RBMS3: variants seen among roughly 807,000 people sequenced by gnomAD.
The protein encoded by RBMS3 is RNA binding motif single stranded interacting protein 3, also known as RNA-binding motif, single-stranded-interacting protein 3.
In RBMS3, 27 loss-of-function variants were observed where a neutral mutation model predicts 66.8. That is an observed-to-expected ratio of 0.40 (90% CI 0.30 to 0.56). The LOEUF is 0.56. RBMS3 is among the 20% of genes least tolerant of loss of function. The pLI, the probability that RBMS3 is intolerant of heterozygous loss-of-function variation, is 0.40. For synonymous variants in RBMS3, 188 were observed against 183.0 expected, an observed-to-expected ratio of 1.03 and a Z score of -0.22; for missense variants, 513 against 549.5, an observed-to-expected ratio of 0.93 and a Z score of 0.66.
chr3:29,529,813 A>AT (rs1273828646), intron 3 of RBMS3, among the ~76,000 whole-genome samples: 3 of 152,246 alleles, frequency 2.0e-5, no homozygotes, highest in East Asian at 1.9e-4. Context: ...AAATTACGGG[A>AT]TTTTTTAAGT....
intron 4 of RBMS3, among the ~76,000 whole-genome samples, chr3:29,647,982 G>T (rs904523802): frequency 4.6e-5 from 7 of 152,048 alleles, no homozygotes; most frequent in Non-Finnish European, 1.0e-4. Context: ...ATTCCTGAAA[G>T]ACTTCATGTT....
chr3:29,297,292 C>T (rs1376835873), intron 1 of RBMS3, among the ~76,000 whole-genome samples: 1 of 151,606 alleles, frequency 6.6e-6, no homozygotes, highest in Admixed American at 6.6e-5. Context: ...GTGAAGAATG[C>T]CAATATATTA....
intron 2 of RBMS3, among the ~76,000 whole-genome samples, chr3:29,463,528 G>A (rs768697640): frequency 8.7e-5 from 13 of 149,652 alleles, no homozygotes; most frequent in Admixed American, 2.7e-4. Flanking sequence ...TGTCAGCAAC[G>A]ATTACTCATG....
At chr3:29,942,746 T>G (rs957227103) in intron 11 of RBMS3, among the ~76,000 whole-genome samples, 10 of 151,860 alleles carry the variant, frequency 6.6e-5, no homozygotes, top group Admixed American at 5.9e-4. Flanking sequence ...CTTTTATTAT[T>G]TATTTTAAAA....
intron 4 of RBMS3, among the ~76,000 whole-genome samples, chr3:29,660,290 ATGTTCTTCGTCTC>A (rs752277356): frequency 9.0e-4 from 137 of 152,122 alleles, no homozygotes; most frequent in Non-Finnish European, 1.7e-3. Context: ...TTTTAGTAAT[ATGTTCTTCGTCTC>A]TTGTAAAATT....
chr3:29,637,391 G>T (rs1330024704), intron 4 of RBMS3, among the ~76,000 whole-genome samples: 1 of 151,890 alleles, frequency 6.6e-6, no homozygotes, highest in South Asian at 2.1e-4. Context: ...ATTTGGTTAA[G>T]GTTGGTTAAA....
intron 3 of RBMS3, among the ~76,000 whole-genome samples, chr3:29,531,381 A>G (rs1387560247): frequency 1.3e-5 from 2 of 152,248 alleles, no homozygotes; most frequent in African/African-American, 4.8e-5. Context: ...TGAGACTTAC[A>G]TGGATTGTTT....
rs371221160 is a variant in RBMS3 at position 29,717,075 on chromosome 3, G to T, written c.400-22645G>T. ...TTTGCATTCTAGAGTGACTGCCTTA[G>T]TTTGAACCTTGACTGGTAGCTATGT... On this transcript the variant is annotated intron_variant, in intron 4 of 14. Transcript: ENST00000383767. Among the ~76,000 whole-genome samples the T allele has an allele frequency of 1.9e-3, 283 of 152,110 alleles. 12 individuals are homozygous for T. In the South Asian group the frequency reaches 0.056, roughly 30 times the overall value.
intron 3 of RBMS3, among the ~76,000 whole-genome samples, chr3:29,562,225 T>C (rs2046583012): frequency 6.6e-6 from 1 of 152,092 alleles, no homozygotes; most frequent in Admixed American, 6.5e-5. Context: ...GGATGGGCCC[T>C]GCAATAAACT....
intron 3 of RBMS3, among the ~76,000 whole-genome samples, chr3:29,570,901 C>T (rs563369877): frequency 6.6e-6 from 1 of 152,104 alleles, no homozygotes; most frequent in South Asian, 2.1e-4. Context: ...GAAATCCAAA[C>T]TCTTCTCCAT....
At chr3:29,509,904 G>C (rs2044331372) in intron 3 of RBMS3, among the ~76,000 whole-genome samples, 1 of 152,198 alleles carries the variant, frequency 6.6e-6, no homozygotes, top group Non-Finnish European at 1.5e-5. Flanking sequence ...ACGTGAAGTA[G>C]TTGTCCAATG....
chr3:29,911,640 GAA>G (rs910056994), intron 10 of RBMS3, among the ~76,000 whole-genome samples: 5 of 152,148 alleles, frequency 3.3e-5, no homozygotes, highest in Non-Finnish European at 5.9e-5. Context: ...TACCCCAGGT[GAA>G]AGTGAGATTT....
intron 1 of RBMS3, among the ~76,000 whole-genome samples, chr3:29,358,891 G>A (rs2037391807): frequency 6.6e-6 from 1 of 152,180 alleles, no homozygotes; most frequent in Non-Finnish European, 1.5e-5. Flanking sequence ...TTTGCACATT[G>A]ATTTTGTATC....
intron 3 of RBMS3, among the ~76,000 whole-genome samples, chr3:29,524,361 T>C (rs1437885822): frequency 6.6e-6 from 1 of 151,030 alleles, no homozygotes; most frequent in African/African-American, 2.4e-5. Context: ...GTACACACTG[T>C]ACACTGATTT....
chr3:29,964,967 C>A (rs935901932), intron 12 of RBMS3, among the ~76,000 whole-genome samples: 1 of 152,104 alleles, frequency 6.6e-6, no homozygotes, highest in East Asian at 1.9e-4. Flanking sequence ...GAGAACATAA[C>A]ATGTTTGATT....
intron 4 of RBMS3, among the ~76,000 whole-genome samples, chr3:29,629,799 T>TAAAAC (rs2149173357): frequency 6.6e-6 from 1 of 152,224 alleles, no homozygotes; most frequent in East Asian, 1.9e-4. Context: ...CAGCTTAAAA[T>TAAAAC]ACAGTTGACC....
chr3:29,661,745 G>A (rs2888127), intron 4 of RBMS3, among the ~76,000 whole-genome samples: 3 of 152,036 alleles, frequency 2.0e-5, no homozygotes, highest in Admixed American at 1.3e-4. Flanking sequence ...AAGCCAAGAC[G>A]TGGTACATGA....
At chr3:29,381,025 C>T (rs568309621) in intron 1 of RBMS3, among the ~76,000 whole-genome samples, 2 of 152,238 alleles carry the variant, frequency 1.3e-5, no homozygotes, top group South Asian at 2.1e-4. Flanking sequence ...CTGTGTCTCT[C>T]GATACTCCAT....
chr3:29,811,232 G>A (rs1451378193), intron 6 of RBMS3, among the ~76,000 whole-genome samples: 2 of 152,074 alleles, frequency 1.3e-5, no homozygotes, highest in Non-Finnish European at 1.5e-5. Flanking sequence ...GCTCTCTAGT[G>A]TGGTCTTTTG....
Sources: gnomAD v4.1 joint callset for allele counts (sites outside exome capture counted in the v4.1 genomes callset) on GRCh38, gnomAD v4.1.1 for gene constraint, MANE v1.5 for transcripts, NCBI Gene and HGNC (gene_info 2026-07-23, HGNC 2026-07-21) for gene names.